MTA1: variants seen among roughly 807,000 people sequenced by gnomAD.
MTA1 encodes the protein metastasis associated 1.
In MTA1, 15 loss-of-function variants were observed where a neutral mutation model predicts 97.0. The observed-to-expected ratio is 0.15, with a 90% CI of 0.10 to 0.24. The LOEUF (loss-of-function observed/expected upper bound fraction) is 0.24. Among genes scored for constraint, MTA1 ranks in the 10% least tolerant of loss-of-function variants. MTA1 has a pLI of 1.00. For synonymous variants in MTA1, 435 were observed against 417.5 expected, an observed-to-expected ratio of 1.04 and a Z score of -0.51; for missense variants, 709 against 1,015.1, an observed-to-expected ratio of 0.70 and a Z score of 4.10.
chr14:105,429,210 A>T (rs1555422871), intron 1 of MTA1, among the ~76,000 whole-genome samples: 1 of 152,138 alleles, frequency 6.6e-6, no homozygotes, highest in Non-Finnish European at 1.5e-5. Flanking sequence ...TTGATTTCCC[A>T]TCCCGGCACT....
rs587730492 is a variant in MTA1 at position 105,428,405 on chromosome 14, C to T, written c.28+8342C>T. 6.1e-4 allele frequency among the ~76,000 whole-genome samples: 93 copies of T among 152,192 alleles called. 1 individual carries two copies. The South Asian group carries it at 0.018, about 30-fold the overall frequency. On this transcript the variant is annotated intron_variant, in intron 1 of 20. Coordinates refer to ENST00000331320, the MANE Select transcript of MTA1 (RefSeq NM_004689.4). ...TCCCAGGCTCAAGTGATCCTTCCAC[C>T]TCAGCCTCCTGAACAGCCGGGACCA...
At chr14:105,451,336 G>A (rs2082921080) in intron 6 of MTA1, among the ~76,000 whole-genome samples, 2 of 152,252 alleles carry the variant, frequency 1.3e-5, no homozygotes, top group South Asian at 4.1e-4. Context: ...CTGTGGTCGT[G>A]CCTTAGCTCA....
intron 16 of MTA1, chr14:105,466,032 G>C: frequency 4.3e-6 from 1 of 231,220 alleles, no homozygotes; most frequent in Non-Finnish European, 8.5e-6. Context: ...TGGATGGTTG[G>C]TTCGCTGTCT....
intron 6 of MTA1, among the ~76,000 whole-genome samples, chr14:105,452,325 ACCCAGG>A (rs2141595167): frequency 6.6e-6 from 1 of 152,306 alleles, no homozygotes; most frequent in African/African-American, 2.4e-5. Flanking sequence ...TCACAGACAC[ACCCAGG>A]CCCTGACCAG....
In MTA1 at chr14:105,463,292, G is replaced by A. The variant is rs372325569; in HGVS notation, c.1017+34G>A. On this transcript the variant is annotated intron_variant, in intron 11 of 20. Transcript: ENST00000331320. This position sits in a 1 kb window ranked among gnomAD's most constrained non-coding sequence, Gnocchi z 5.9. ...GCCCGCCACTCAGTGCCCGGGGTGT[G>A]CCGCCTCCCCGTCCTGCGCCCCATC... 49 of 1,607,934 alleles carry A rather than the reference G, an allele frequency of 3.0e-5. No individual in the cohort carries two copies. The African/African-American group carries it at 5.9e-4, about 19-fold the overall frequency.
Position 105,460,409 on chromosome 14 carries a change from G to A in MTA1, c.705G>A (p.Gln235=). The A allele has an allele frequency of 6.2e-7, 1 of 1,611,746 alleles. No individual in the cohort carries two copies. The highest frequency in any genetic ancestry group is 8.5e-7 in the Non-Finnish European group (1 of 1,179,478). ...RALDCSSSVR[Q]PSLHMSAAAA... ...TGGACTGCAGCAGCTCCGTCCGACA[G>A]CCCAGCCTGCACATGAGCGCCGCAG... The change falls in exon 9 of 21, where the codon CAG becomes CAA. Residue 235 remains glutamine (Q), a synonymous_variant. Coordinates refer to ENST00000331320, the MANE Select transcript of MTA1 (RefSeq NM_004689.4).
intron 3 of MTA1, among the ~76,000 whole-genome samples, chr14:105,446,812 G>C (rs587631304): frequency 5.4e-4 from 83 of 152,374 alleles, no homozygotes; most frequent in African/African-American, 1.9e-3. Context: ...ACACTGGGCT[G>C]TGGGGCCTGT....
intron 18 of MTA1, chr14:105,467,063 G>A (rs868991228): frequency 2.4e-5 from 12 of 494,220 alleles, no homozygotes; most frequent in Middle Eastern, 5.6e-4. Context: ...GCCTCAGCTC[G>A]TGGGGCCGCC....
chr14:105,445,732 G>A (rs1555426999), intron 3 of MTA1: 8 of 666,968 alleles, frequency 1.2e-5, no homozygotes, highest in Non-Finnish European at 2.3e-5. Flanking sequence ...CACGCCCCCC[G>A]GAGTGGTCTG....
At position 105,465,127 on chromosome 14, in the gene MTA1, C is replaced by G; in HGVS notation, c.1568C>G (p.Pro523Arg). The G allele has an allele frequency of 1.3e-6, 2 of 1,524,424 alleles. No individual in the cohort carries two copies. Among genetic ancestry groups the G allele is most frequent in the Non-Finnish European group, 1.8e-6 (2 of 1,131,874 alleles). The allele number at this position is 1,524,424 out of a possible 1,614,324, so 94.4% of individuals were successfully genotyped here. A position where few individuals can be genotyped will look rare whatever the true frequency, so the allele number is the denominator to read the frequency against. ...CGGCTGCCCGAAGCCTCCCAGAGCC[C>G]GCTGGTGCTGAAGCAGGCGGTACGC... ...TARLPEASQSPLVLKQAVRKP... is the reference protein window; with the variant it reads ...TARLPEASQSRLVLKQAVRKP... Residue 523 changes from proline to arginine, a missense_variant, in exon 16 of 21, where the codon CCG (proline) becomes CGG (arginine). Coordinates refer to ENST00000331320, the MANE Select transcript of MTA1 (RefSeq NM_004689.4).
rs1595415116 is a variant in MTA1, at chr14:105,464,656, T to C, written c.1345-18T>C. On this transcript the variant is annotated intron_variant, in intron 14 of 20. Coordinates refer to ENST00000331320, the MANE Select transcript of MTA1 (RefSeq NM_004689.4). ...CGGTCATGGCGCTGTGTTGGGGCGG[T>C]TGCGCCCCCTTCCGCAGAGTCCCCA... 6.2e-7 allele frequency: 1 copy of C among 1,602,962 alleles called. No individual in the cohort carries two copies. The highest frequency in any genetic ancestry group is 8.5e-7 in the Non-Finnish European group (1 of 1,173,006).
At chr14:105,434,639 C>T (rs782192801) in intron 1 of MTA1, among the ~76,000 whole-genome samples, 14 of 151,970 alleles carry the variant, frequency 9.2e-5, no homozygotes, top group South Asian at 2.1e-4. Context: ...GCTGGGATTA[C>T]GGGCATACAC....
chr14:105,434,575 C>T (rs1048946472), intron 1 of MTA1, among the ~76,000 whole-genome samples: 5 of 151,110 alleles, frequency 3.3e-5, no homozygotes, highest in South Asian at 4.2e-4. Context: ...CTCAGCTCAC[C>T]GCAACCTCCG....
rs961422203 is a variant in MTA1, at chr14:105,424,422, C to T, written c.28+4359C>T. On this transcript the variant is annotated intron_variant, in intron 1 of 20. Transcript: ENST00000331320. The surrounding 1 kb of genome is among the most constrained non-coding windows in gnomAD (Gnocchi z 4.0). ...TTCACTGTGTTAGCCAGTATGGTCT[C>T]GATCTCCTGACCTTGTGACCCACCC... Among the ~76,000 whole-genome samples the T allele has an allele frequency of 2.6e-5, 4 of 151,442 alleles. No individual in the cohort carries two copies. The highest frequency in any genetic ancestry group is 6.6e-5 in the Admixed American group (1 of 15,218).
At position 105,463,381 on chromosome 14, in the gene MTA1, G is replaced by T; in HGVS notation, c.1018-112G>T. The T allele has an allele frequency of 6.7e-7, 1 of 1,498,614 alleles. No homozygotes were observed. The allele number at this position is 1,498,614 out of a possible 1,614,324, so 92.8% of individuals were successfully genotyped here. Reference sequence around the variant, plus strand: ...GGGAAGGAAGACTCCTGAGTCCCTGGCCCGGCTGTCCTCTCCGTGGTGCTC... The same window carrying T: ...GGGAAGGAAGACTCCTGAGTCCCTGTCCCGGCTGTCCTCTCCGTGGTGCTC... On this transcript the variant is annotated intron_variant, in intron 11 of 20. Transcript: ENST00000331320. The surrounding 1 kb of genome is among the most constrained non-coding windows in gnomAD (Gnocchi z 5.9).
At chr14:105,427,352 T>C (rs1410502476) in intron 1 of MTA1, among the ~76,000 whole-genome samples, 2 of 152,082 alleles carry the variant, frequency 1.3e-5, no homozygotes, top group African/African-American at 4.8e-5. Context: ...GCTTCTTGCA[T>C]TTGGGGGCTC....
rs1310527336 is a variant in MTA1 at position 105,464,061 on chromosome 14, T to G, written c.1106T>G (p.Val369Gly). Residue 369 changes from valine to glycine, a missense_variant, in exon 13 of 21, where the codon GTC becomes GGC. Coordinates refer to ENST00000331320, the MANE Select transcript of MTA1 (RefSeq NM_004689.4). ...YNKPNPNQIS[V>G]NNVKAGVVNG... is the part of the protein sequence containing the mutation. ...AAGCCAAATCCGAACCAAATCAGCG[T>G]CAACAACGTCAAGGCCGGTGTGGTG... 6.2e-7 allele frequency: 1 copy of G among 1,612,548 alleles called. No homozygotes were observed. Among genetic ancestry groups the G allele is most frequent in the Non-Finnish European group, 8.5e-7 (1 of 1,179,780 alleles).
intron 1 of MTA1, among the ~76,000 whole-genome samples, chr14:105,430,217 G>A (rs1283063348): frequency 6.6e-6 from 1 of 152,170 alleles, no homozygotes; most frequent in Non-Finnish European, 1.5e-5. Flanking sequence ...AGTGAGAGAT[G>A]TGTGACCCTC....
Position 105,467,419 on chromosome 14 carries a change from G to A in MTA1, c.1813+677G>A, listed in dbSNP as rs1435634998. 6.6e-6 allele frequency: 3 copies of A among 455,822 alleles called. No homozygotes were observed. The East Asian group carries it at 2.1e-4, about 32-fold the overall frequency. 28.2% of individuals were successfully genotyped at this position (455,822 alleles called of 1,614,324 possible). A position where few individuals can be genotyped will look rare whatever the true frequency, so the allele number is the denominator to read the frequency against. ...GCAGCAGGGCCGGTTTGGCGACCTG[G>A]AGGTGGATATGGGTAGTGGCTGCCC... On this transcript the variant is annotated intron_variant, in intron 18 of 20. Transcript: ENST00000331320.
Sources: allele counts gnomAD v4.1 joint callset (sites outside exome capture counted in the v4.1 genomes callset), GRCh38; gene constraint gnomAD v4.1.1; non-coding constraint Gnocchi (gnomAD v3.1); transcripts MANE v1.5; gene names NCBI Gene and HGNC (gene_info 2026-07-23, HGNC 2026-07-21).